Variants in DLG2 observed in about 807,000 individuals in gnomAD.
DLG2 encodes the protein disks large homolog 2.
DLG2 carries 45 observed loss-of-function variants against 132.5 expected under a neutral mutation model. The ratio of observed to expected loss-of-function variants is 0.34; its 90% confidence interval spans 0.27 to 0.44. DLG2 has a LOEUF of 0.44. Ranked by LOEUF, DLG2 falls within the 20% of genes least tolerant of loss-of-function variation. The probability of loss-of-function intolerance (pLI) is 1.00; values close to 1 mark genes in which losing one functional copy is unlikely to be tolerated. For synonymous variants in DLG2, 424 were observed against 419.6 expected (o/e 1.01, Z -0.13); for missense variants, 1,045 against 1,196.9 (o/e 0.87, Z 1.87).
At chr11:84,236,034 C>A (rs1173466940) in intron 8 of DLG2, among the ~76,000 whole-genome samples, 2 of 138,404 alleles carry the variant, frequency 1.4e-5, no homozygotes, top group Non-Finnish European at 3.1e-5. Context: ...ATATTTCCAC[C>A]TTTCTCCATT....
chr11:84,482,610 T>C (rs2099140707), intron 7 of DLG2, among the ~76,000 whole-genome samples: 1 of 152,200 alleles, frequency 6.6e-6, no homozygotes, highest in Non-Finnish European at 1.5e-5. Context: ...TTTGTAAATG[T>C]TGAAGAATAA....
intron 3 of DLG2, among the ~76,000 whole-genome samples, chr11:85,421,906 G>T (rs1229404937): frequency 6.6e-6 from 1 of 152,014 alleles, no homozygotes; most frequent in Non-Finnish European, 1.5e-5. Context: ...CTCAGCATTT[G>T]TTTTTCCGAA....
intron 6 of DLG2, among the ~76,000 whole-genome samples, chr11:84,675,086 G>T (rs2099709838): frequency 6.6e-6 from 1 of 152,052 alleles, no homozygotes; most frequent in South Asian, 2.1e-4. Flanking sequence ...TGCAACTGCA[G>T]GCCTGAAATA....
intron 11 of DLG2, among the ~76,000 whole-genome samples, chr11:84,027,199 C>T (rs531343441): frequency 9.2e-5 from 14 of 152,084 alleles, no homozygotes; most frequent in Non-Finnish European, 1.6e-4. Context: ...TCTCTCACTT[C>T]TGCTTCAATT....
At chr11:84,681,125 T>A (rs1355476876) in intron 6 of DLG2, among the ~76,000 whole-genome samples, 1 of 152,194 alleles carries the variant, frequency 6.6e-6, no homozygotes, top group Non-Finnish European at 1.5e-5. Flanking sequence ...TTGCTAAACC[T>A]CTATTTTCTT....
intron 16 of DLG2, among the ~76,000 whole-genome samples, chr11:83,857,323 T>C (rs2060688310): frequency 6.6e-6 from 1 of 152,198 alleles, no homozygotes; most frequent in Non-Finnish European, 1.5e-5. Context: ...TCCATATGAT[T>C]TTAAAATAGT....
intron 7 of DLG2, among the ~76,000 whole-genome samples, chr11:84,515,393 A>G (rs1258803021): frequency 1.3e-5 from 2 of 151,826 alleles, no homozygotes; most frequent in African/African-American, 4.8e-5. Context: ...GAAGGAATGG[A>G]AAAAGATATT....
intron 6 of DLG2, among the ~76,000 whole-genome samples, chr11:84,622,037 G>A (rs1433748412): frequency 1.3e-5 from 2 of 152,022 alleles, no homozygotes; most frequent in East Asian, 1.9e-4. Flanking sequence ...AAAAAGTTGC[G>A]GACCGCACTT....
intron 9 of DLG2, among the ~76,000 whole-genome samples, chr11:84,119,109 G>A (rs1460950641): frequency 1.3e-5 from 2 of 150,442 alleles, no homozygotes; most frequent in Non-Finnish European, 3.0e-5. Context: ...TTCTCTCCCA[G>A]AAGAAACATC....
At chr11:84,627,585 T>C (rs1224078413) in intron 6 of DLG2, among the ~76,000 whole-genome samples, 1 of 152,130 alleles carries the variant, frequency 6.6e-6, no homozygotes, top group Non-Finnish European at 1.5e-5. Flanking sequence ...TAAACCTGAG[T>C]TTGAATCTTG....
At chr11:85,488,536 T>A (rs1317715734) in intron 3 of DLG2, among the ~76,000 whole-genome samples, 1 of 152,212 alleles carries the variant, frequency 6.6e-6, no homozygotes, top group Non-Finnish European at 1.5e-5. Flanking sequence ...CATGTCTTCA[T>A]CAGCAGTGTG....
chr11:85,277,890 T>A (rs77369468), intron 4 of DLG2, among the ~76,000 whole-genome samples: 254 of 152,290 alleles, frequency 1.7e-3, no homozygotes, highest in African/African-American at 5.8e-3. Flanking sequence ...TTCTCTTGTC[T>A]ATGATCTACT....
At chr11:83,958,942 A>G (rs1402529218) in intron 14 of DLG2, among the ~76,000 whole-genome samples, 1 of 152,106 alleles carries the variant, frequency 6.6e-6, no homozygotes, top group Non-Finnish European at 1.5e-5. Context: ...AACCAGAAAG[A>G]GAGATTAGAC....
chr11:84,615,182 G>A (rs77558226), intron 6 of DLG2, among the ~76,000 whole-genome samples: 5,982 of 152,124 alleles, frequency 0.039, 159 homozygotes, highest in Middle Eastern at 0.085. Context: ...CTGGGGTAGA[G>A]GAACCAATGA....
chr11:84,384,914 G>A (rs1291254197), intron 7 of DLG2, among the ~76,000 whole-genome samples: 2 of 152,096 alleles, frequency 1.3e-5, no homozygotes, highest in Non-Finnish European at 2.9e-5. Flanking sequence ...AACTTTAACT[G>A]AGATTTTGAA....
chr11:84,735,698 T>C (rs2063740148), intron 6 of DLG2, among the ~76,000 whole-genome samples: 1 of 152,176 alleles, frequency 6.6e-6, no homozygotes, highest in South Asian at 2.1e-4. Context: ...ATGTTTGCTC[T>C]TGTTTCTCTA....
chr11:84,532,000 A>G (rs1028105268), intron 7 of DLG2, among the ~76,000 whole-genome samples: 18 of 152,158 alleles, frequency 1.2e-4, no homozygotes, highest in African/African-American at 3.9e-4. Context: ...TGAGTAGCAT[A>G]ATAAATGATG....
intron 7 of DLG2, among the ~76,000 whole-genome samples, chr11:84,273,590 G>A (rs892928514): frequency 6.6e-6 from 1 of 152,056 alleles, no homozygotes; most frequent in Non-Finnish European, 1.5e-5. Context: ...GTAGGAAGAA[G>A]AGAGATGTGA....
At chr11:84,115,544 CCTT>C (rs1465878850) in intron 9 of DLG2, among the ~76,000 whole-genome samples, 3 of 152,174 alleles carry the variant, frequency 2.0e-5, no homozygotes, top group African/African-American at 7.2e-5. Context: ...CTTCTTGTAT[CCTT>C]CTTCTCCCTT....
Sources: gnomAD v4.1 joint callset for allele counts (sites outside exome capture counted in the v4.1 genomes callset) on GRCh38, gnomAD v4.1.1 for gene constraint, MANE v1.5 for transcripts, NCBI Gene and HGNC (gene_info 2026-07-23, HGNC 2026-07-21) for gene names.